Variants in ZNF532 observed in about 807,000 individuals in gnomAD.
ZNF532 encodes zinc finger protein 532.
In ZNF532, 22 loss-of-function variants were observed where a neutral mutation model predicts 89.3. The observed-to-expected ratio is 0.25, with a 90% CI of 0.18 to 0.35. ZNF532 has a LOEUF of 0.35. Among genes scored for constraint, ZNF532 ranks in the 10% least tolerant of loss-of-function variants. The pLI is 1.00. For missense variants in ZNF532, 1,132 were observed against 1,643.4 expected (o/e 0.69, Z 5.38); for synonymous variants, 606 against 649.6 (o/e 0.93, Z 1.02).
At chr18:58,925,241 C>T (rs149402566) in intron 3 of ZNF532, among the ~76,000 whole-genome samples, 49 of 152,244 alleles carry the variant, frequency 3.2e-4, no homozygotes, top group Non-Finnish European at 6.0e-4. Flanking sequence ...GAGCAACACA[C>T]GAGGGATCCA....
At chr18:58,922,413 T>C (rs2061180982) in intron 3 of ZNF532, among the ~76,000 whole-genome samples, 1 of 152,296 alleles carries the variant, frequency 6.6e-6, no homozygotes, top group East Asian at 1.9e-4. Flanking sequence ...TCAGTGGAAA[T>C]GGAAGCAATA....
chr18:58,969,570 T>C (rs775724746), intron 7 of ZNF532, among the ~76,000 whole-genome samples: 1 of 152,204 alleles, frequency 6.6e-6, no homozygotes, highest in Non-Finnish European at 1.5e-5. Context: ...TGGTTGATTA[T>C]ACCTACTGGT....
intron 2 of ZNF532, among the ~76,000 whole-genome samples, chr18:58,891,362 T>G (rs1568255291): frequency 6.6e-6 from 1 of 152,134 alleles, no homozygotes; most frequent in Non-Finnish European, 1.5e-5. Flanking sequence ...AAACCCTATC[T>G]CTACTAAAAA....
chr18:58,910,853 C>T (rs1360881378), intron 2 of ZNF532, among the ~76,000 whole-genome samples: 1 of 151,778 alleles, frequency 6.6e-6, no homozygotes, highest in African/African-American at 2.4e-5. Context: ...ATTCCATGAG[C>T]CCTAAAATTC....
chr18:58,922,711 T>C (rs537133289), intron 3 of ZNF532, among the ~76,000 whole-genome samples: 1 of 152,356 alleles, frequency 6.6e-6, no homozygotes, highest in South Asian at 2.1e-4. Flanking sequence ...TTCGTGTCTG[T>C]GTCTGCTGGT....
intron 3 of ZNF532, among the ~76,000 whole-genome samples, chr18:58,927,252 G>C (rs576630592): frequency 1.3e-5 from 2 of 152,322 alleles, no homozygotes; most frequent in African/African-American, 4.8e-5. Flanking sequence ...GGGTAGGGAC[G>C]TTGGGACAGA....
At chr18:58,884,979 G>GTTTTTT (rs34689408) in intron 2 of ZNF532, among the ~76,000 whole-genome samples, 32 of 138,104 alleles carry the variant, frequency 2.3e-4, no homozygotes, top group Non-Finnish European at 2.7e-4. Context: ...CAGTACAAGG[G>GTTTTTT]TTTTTTTTTT....
intron 5 of ZNF532, among the ~76,000 whole-genome samples, chr18:58,943,009 A>G (rs993946183): frequency 2.6e-5 from 4 of 152,010 alleles, no homozygotes; most frequent in African/African-American, 9.7e-5. Flanking sequence ...TACTGCATTT[A>G]CTCTGTGCTG....
At chr18:58,914,751 T>G (rs142799439) in intron 2 of ZNF532, among the ~76,000 whole-genome samples, 1 of 152,310 alleles carries the variant, frequency 6.6e-6, no homozygotes, top group Admixed American at 6.5e-5. Flanking sequence ...AGGGCATAAG[T>G]GAAAGACATT....
At position 58,985,806 on chromosome 18, in the gene ZNF532, G is replaced by A. The variant is rs1189861398; in HGVS notation, c.*1340G>A. 2 of 119,450 alleles carry A rather than the reference G, an allele frequency of 1.7e-5. No individual in the cohort carries two copies. Among genetic ancestry groups the A allele is most frequent in the Non-Finnish European group, 3.3e-5 (2 of 59,906 alleles). The allele number at this position is 119,450 out of a possible 1,614,324, so 7.4% of individuals were successfully genotyped here. On this transcript the variant is annotated 3_prime_UTR_variant, in exon 10 of 10. Transcript: ENST00000591808. The stretch of plus-strand genomic sequence containing the variant: ...TTTTTAAGAAAAGGAATTCTTTTGT[G>A]TATATATAGATACTTGCATGATATA...
intron 2 of ZNF532, among the ~76,000 whole-genome samples, chr18:58,878,302 C>T (rs2057607893): frequency 6.6e-6 from 1 of 152,062 alleles, no homozygotes; most frequent in Non-Finnish European, 1.5e-5. Flanking sequence ...GCAGGTAGAC[C>T]TTCAGAGGAC....
chr18:58,873,100 A>G (rs2144658859), intron 2 of ZNF532, among the ~76,000 whole-genome samples: 2 of 151,260 alleles, frequency 1.3e-5, no homozygotes, highest in Middle Eastern at 6.9e-3. Context: ...CTTAACCCCC[A>G]GGGCTCAAGT....
At chr18:58,922,614 A>T (rs985238107) in intron 3 of ZNF532, among the ~76,000 whole-genome samples, 1 of 152,224 alleles carries the variant, frequency 6.6e-6, no homozygotes, top group Non-Finnish European at 1.5e-5. Flanking sequence ...ACACCGCTTC[A>T]TCAAAGGATA....
chr18:58,919,544 C>T lies in ZNF532; in HGVS notation c.1257C>T (p.Pro419=), dbSNP rs143076036. 2 of 1,614,200 alleles carry T rather than the reference C, an allele frequency of 1.2e-6. No individual in the cohort carries two copies. The highest frequency in any genetic ancestry group is 1.7e-6 in the Non-Finnish European group (2 of 1,180,044). ...SPASAAVLSS[P]PRAPLQSAVV... is the part of the protein sequence containing the mutation. ...CATCAGCCGCCGTCCTTTCCTCTCC[C>T]CCCAGGGCGCCTCTCCAGTCTGCGG... The change falls in exon 3 of 10, where the codon CCC becomes CCT. Residue 419 remains proline (P), a synonymous_variant. Transcript: ENST00000591808. This position sits in a 1 kb window ranked among gnomAD's most constrained non-coding sequence, Gnocchi z 6.1.
At chr18:58,862,979 A>G (rs949415115), upstream of ZNF532, 6 of 152,210 alleles carry the variant, frequency 3.9e-5, no homozygotes, top group African/African-American at 1.2e-4. Flanking sequence ...AACTAACCAG[A>G]GGAGAGCCCC....
chr18:58,973,087 C>G (rs1449984275), intron 7 of ZNF532, among the ~76,000 whole-genome samples: 1 of 152,144 alleles, frequency 6.6e-6, no homozygotes, highest in African/African-American at 2.4e-5. Flanking sequence ...GGTGTTTTAC[C>G]TACTAATTGA....
intron 7 of ZNF532, among the ~76,000 whole-genome samples, chr18:58,967,088 G>T (rs369324122): frequency 6.6e-6 from 1 of 152,176 alleles, no homozygotes; most frequent in Non-Finnish European, 1.5e-5. Context: ...CAAGACAAAG[G>T]TGTTGAATCT....
chr18:58,931,929 G>C (rs2061998098), intron 3 of ZNF532, among the ~76,000 whole-genome samples: 1 of 152,138 alleles, frequency 6.6e-6, no homozygotes, highest in Admixed American at 6.6e-5. Flanking sequence ...AACAAAGTGA[G>C]ACACTATCTC....
At chr18:58,940,723 T>C (rs2146646112) in intron 5 of ZNF532, among the ~76,000 whole-genome samples, 1 of 152,320 alleles carries the variant, frequency 6.6e-6, no homozygotes, top group East Asian at 1.9e-4. Context: ...TTCCTGTGTG[T>C]CTTCGCTCCC....
Sources: gnomAD v4.1 joint callset for allele counts (sites outside exome capture counted in the v4.1 genomes callset) on GRCh38, gnomAD v4.1.1 for gene constraint, Gnocchi (gnomAD v3.1) non-coding constraint, MANE v1.5 for transcripts, NCBI Gene and HGNC (gene_info 2026-07-23, HGNC 2026-07-21) for gene names.